The following IL2RB variants were observed in gnomAD, a reference collection of about 807,000 sequenced individuals.
IL2RB encodes interleukin-2 receptor subunit beta.
Under a neutral mutation model 44.2 loss-of-function variants are expected in IL2RB, and 17 were observed. The ratio of observed to expected loss-of-function variants is 0.38; its 90% CI spans 0.26 to 0.58. The LOEUF (loss-of-function observed/expected upper bound fraction) is 0.58, where lower values mean the gene tolerates loss of function less well. Among genes scored for constraint, IL2RB ranks in the 20% least tolerant of loss-of-function variants. IL2RB has a pLI of 0.63. For synonymous variants in IL2RB, 286 were observed against 297.9 expected (o/e 0.96, Z 0.41); for missense variants, 624 against 685.5 (o/e 0.91, Z 1.00).
upstream of IL2RB, among the ~76,000 whole-genome samples, chr22:37,152,386 T>C (rs1318909371): frequency 3.9e-5 from 6 of 152,244 alleles, no homozygotes; most frequent in South Asian, 8.3e-4. Flanking sequence ...TGTTGGTACA[T>C]AGAAATACTA....
At chr22:37,143,784 T>A (rs1230984607) in intron 2 of IL2RB, 149 bp from the exon 3 acceptor site, 9 of 675,012 alleles carry the variant, frequency 1.3e-5, no homozygotes, top group Non-Finnish European at 1.6e-5. Flanking sequence ...TGGACCCACT[T>A]CAGAGAGGAG....
At chr22:37,166,134 G>A (rs902598589) in intron 1 of IL2RB, among the ~76,000 whole-genome samples, 2 of 152,198 alleles carry the variant, frequency 1.3e-5, no homozygotes, top group Non-Finnish European at 2.9e-5. Flanking sequence ...TCTCTCTGTT[G>A]CACTGGACAG....
intron 1 of IL2RB, among the ~76,000 whole-genome samples, chr22:37,146,351 C>G (rs1922222619): frequency 6.6e-6 from 1 of 152,156 alleles, no homozygotes; most frequent in Admixed American, 6.5e-5. Flanking sequence ...ATTTTCGAGG[C>G]TTTCTGGGAC....
At chr22:37,136,417 G>A (rs1921702043) in intron 6 of IL2RB, 24 bp from the exon 7 acceptor site, 3 of 1,593,746 alleles carry the variant, frequency 1.9e-6, no homozygotes, top group South Asian at 1.1e-5. Flanking sequence ...AGGACTGTCA[G>A]CGCCCACCTC....
chr22:37,145,070 C>T (rs544013181), intron 1 of IL2RB, among the ~76,000 whole-genome samples: 2 of 141,882 alleles, frequency 1.4e-5, no homozygotes, highest in Non-Finnish European at 3.1e-5. Context: ...TAGCCCCTGC[C>T]TCTGCCCCTC....
chr22:37,140,117 G>A lies in IL2RB; in HGVS notation c.283-895C>T, dbSNP rs1921891417. On this transcript the variant is annotated intron_variant, in intron 4 of 9. Coordinates refer to ENST00000216223, the MANE Select transcript of IL2RB (RefSeq NM_000878.5). ...GGTCCAGGATGCTGATTTCAGGGCC[G>A]GGACCTTGGGCACCGTCCCTCTGGT... 3.3e-5 allele frequency among the ~76,000 whole-genome samples: 5 copies of A among 152,200 alleles called. No homozygotes were observed. In the South Asian group the frequency reaches 8.3e-4, roughly 25 times the overall value.
chr22:37,131,146 G>A (rs977276803), intron 9 of IL2RB, among the ~76,000 whole-genome samples: 15 of 150,916 alleles, frequency 9.9e-5, no homozygotes, highest in Admixed American at 8.0e-4. Context: ...TAGCCTGGAC[G>A]ACAGAGCAAG....
In IL2RB at chr22:37,136,388, G is replaced by C. The variant is rs1921700009; in HGVS notation, c.543C>G (p.Ala181=). The change falls in exon 7 of 10, where the codon GCC becomes GCG. Residue 181 remains alanine, a synonymous_variant. Coordinates refer to ENST00000216223, the MANE Select transcript of IL2RB (RefSeq NM_000878.5). ...TLSPGHTWEE[A]PLLTLKQKQE... is the part of the protein sequence containing the mutation. The stretch of plus-strand genomic sequence containing the variant: ...GCTTCTGCTTGAGAGTCAGCAGGGG[G>C]GCCTCCTGGGTCGGAGACAGGACTG... 1.9e-6 allele frequency: 3 copies of C among 1,608,536 alleles called. No homozygotes were observed. The South Asian group carries it at 3.3e-5, about 18-fold the overall frequency.
intron 1 of IL2RB, among the ~76,000 whole-genome samples, chr22:37,160,530 A>C (rs1199722618): frequency 6.6e-6 from 1 of 152,158 alleles, no homozygotes; most frequent in Admixed American, 6.5e-5. Flanking sequence ...TGGCAGATGG[A>C]GATGTCTGCA....
intron 1 of IL2RB, among the ~76,000 whole-genome samples, chr22:37,156,096 C>A (rs73408807): frequency 6.6e-6 from 1 of 152,198 alleles, no homozygotes; most frequent in Non-Finnish European, 1.5e-5. Context: ...TTGGCCCTTG[C>A]GCTCAGCCTC....
upstream of IL2RB, among the ~76,000 whole-genome samples, chr22:37,153,429 C>T (rs1169491827): frequency 2.0e-5 from 3 of 152,082 alleles, no homozygotes; most frequent in Non-Finnish European, 4.4e-5. Context: ...GTGACTTAGG[C>T]CTCCCTGTGC....
At chr22:37,136,474 C>G in intron 6 of IL2RB, 81 bp from the exon 7 acceptor site, 1 of 1,425,662 alleles carries the variant, frequency 7.0e-7, no homozygotes, top group Non-Finnish European at 9.4e-7. Context: ...GAACCCCCCC[C>G]CAACCCCTGC....
At chr22:37,151,927 T>A (rs1922504986), upstream of IL2RB, among the ~76,000 whole-genome samples, 1 of 152,256 alleles carries the variant, frequency 6.6e-6, no homozygotes, top group Non-Finnish European at 1.5e-5. Flanking sequence ...CATTGGTCAA[T>A]GCATCTGTTT....
intron 1 of IL2RB, among the ~76,000 whole-genome samples, chr22:37,167,752 G>C (rs1160115635): frequency 6.6e-6 from 1 of 152,266 alleles, no homozygotes; most frequent in Non-Finnish European, 1.5e-5. Flanking sequence ...CCTGGTGTCT[G>C]TCTTCCTGGC....
At chr22:37,136,473 C>CT in intron 6 of IL2RB, 80 bp from the exon 7 acceptor site, 1 of 1,440,086 alleles carries the variant, frequency 6.9e-7, no homozygotes, top group Non-Finnish European at 9.3e-7. Context: ...AGAACCCCCC[C>CT]CCAACCCCTG....
chr22:37,128,120 ACC>A lies in IL2RB; in HGVS notation c.1630_1631del (p.Gly544SerfsTer130). ...TCTACACCAAGTGAGTTGGGTCCTGACCCTGGAGTTCTTGGAGGGACAAGTAG... is the reference window on the plus strand; with the variant it reads ...TCTACACCAAGTGAGTTGGGTCCTGACTGGAGTTCTTGGAGGGACAAGTAG... ...DAYLSLQELQGQDPTHLV is the reference protein window; with the variant it reads ...DAYLSLQELQXQDPTHLV On this transcript the variant is annotated frameshift_variant, in exon 10 of 10. Transcript: ENST00000216223. LOFTEE classifies it high-confidence loss of function. This position sits in a 1 kb window ranked among gnomAD's most constrained non-coding sequence, Gnocchi z 4.5. The A allele has an allele frequency of 6.3e-7, 1 of 1,575,522 alleles. No homozygotes were observed. The highest frequency in any genetic ancestry group is 8.6e-7 in the Non-Finnish European group (1 of 1,165,234).
At chr22:37,168,939 A>G (rs773503480) in intron 1 of IL2RB, among the ~76,000 whole-genome samples, 12 of 145,714 alleles carry the variant, frequency 8.2e-5, no homozygotes, top group Non-Finnish European at 1.7e-4. Flanking sequence ...GATGCTGTTT[A>G]CAGAGGGGTT....
rs188949439 is a variant in IL2RB, at chr22:37,168,467, C to T, written c.-34+6491G>A. Among the ~76,000 whole-genome samples the T allele has an allele frequency of 3.9e-5, 6 of 152,282 alleles. No homozygotes were observed. The East Asian group carries it at 1.2e-3, about 29-fold the overall frequency. On this transcript the variant is annotated intron_variant, in intron 1 of 5. Transcript: ENST00000429622. ...TGTGCAAAGGCAGTGAGGGCTGGGT[C>T]CCCATCCCACCTTGGCCACTTCCTA...
At chr22:37,138,948 C>A in intron 5 of IL2RB, 169 bp downstream of exon 5, 1 of 582,128 alleles carries the variant, frequency 1.7e-6, no homozygotes, top group Non-Finnish European at 3.1e-6. Flanking sequence ...GCCTTGAATG[C>A]CAGAGGAAGG....
Sources: gnomAD v4.1 joint callset for allele counts (sites outside exome capture counted in the v4.1 genomes callset) on GRCh38, gnomAD v4.1.1 for gene constraint, Gnocchi (gnomAD v3.1) non-coding constraint, MANE v1.5 for transcripts, NCBI Gene and HGNC (gene_info 2026-07-23, HGNC 2026-07-21) for gene names.